The following CLSTN1 variants were observed in gnomAD, a reference collection of about 807,000 sequenced individuals.
The protein encoded by CLSTN1 is calsyntenin-1.
CLSTN1 carries 28 observed loss-of-function variants against 108.3 expected under a neutral mutation model. The ratio of observed to expected loss-of-function variants is 0.26; its 90% CI spans 0.19 to 0.35. The LOEUF (loss-of-function observed/expected upper bound fraction) is 0.35, where lower values mean the gene tolerates loss of function less well. CLSTN1 is among the 10% of genes least tolerant of loss of function. CLSTN1 has a pLI of 1.00. For missense variants in CLSTN1, 1,157 were observed against 1,302.6 expected (o/e 0.89, Z 1.72); for synonymous variants, 524 against 534.9 (o/e 0.98, Z 0.28).
chr1:9,731,411 G>A (rs756562380), intron 17 of CLSTN1, 21 bp from the exon 18 acceptor site: 45 of 1,610,988 alleles, frequency 2.8e-5, no homozygotes, highest in East Asian at 4.5e-5. Flanking sequence ...ATGAGGGGGC[G>A]GGATGCGAGG....
chr1:9,765,539 G>A (rs569742360), intron 2 of CLSTN1, among the ~76,000 whole-genome samples: 11 of 150,426 alleles, frequency 7.3e-5, no homozygotes, highest in African/African-American at 2.2e-4. Context: ...AAAATTAGCC[G>A]AAATCACTTG....
intron 9 of CLSTN1, 74 bp downstream of exon 9, chr1:9,743,810 A>G: frequency 6.4e-7 from 1 of 1,553,076 alleles, no homozygotes; most frequent in Middle Eastern, 1.8e-4. Flanking sequence ...CTCGTGCCCC[A>G]GCCTCCCAAA....
Position 9,730,302 on chromosome 1 carries a change from C to T in CLSTN1, c.*206G>A, listed in dbSNP as rs982841968. The stretch of plus-strand genomic sequence containing the variant: ...GGCGGCCAGAGAGGACGTGTCAGCT[C>T]CTCGTGGGACTGAAGAGCGCGACCA... On this transcript the variant is annotated 3_prime_UTR_variant, in exon 19 of 19. Coordinates refer to ENST00000377298, the MANE Select transcript of CLSTN1 (RefSeq NM_001009566.3). This position sits in a 1 kb window ranked among gnomAD's most constrained non-coding sequence, Gnocchi z 5.6. The T allele has an allele frequency of 3.8e-5, 23 of 613,074 alleles. No homozygotes were observed. Among genetic ancestry groups the T allele is most frequent in the Non-Finnish European group, 6.1e-5 (21 of 343,508 alleles). The allele number at this position is 613,074 out of a possible 1,614,324, so 38.0% of individuals were successfully genotyped here.
chr1:9,801,144 G>C (rs530716959), intron 1 of CLSTN1, among the ~76,000 whole-genome samples: 1 of 152,138 alleles, frequency 6.6e-6, no homozygotes, highest in South Asian at 2.1e-4. Flanking sequence ...TACTTGGGAG[G>C]CTGAGGCAGG....
chr1:9,794,345 G>A (rs964454232), intron 1 of CLSTN1, among the ~76,000 whole-genome samples: 1 of 151,430 alleles, frequency 6.6e-6, no homozygotes, highest in Non-Finnish European at 1.5e-5. Flanking sequence ...GTCTCCCTCT[G>A]TCGTCCAGGC....
chr1:9,780,570 G>A (rs1653193932), intron 1 of CLSTN1, among the ~76,000 whole-genome samples: 1 of 152,212 alleles, frequency 6.6e-6, no homozygotes, highest in South Asian at 2.1e-4. Flanking sequence ...GCAGTAGAAT[G>A]AGATCTGGCC....
At position 9,731,509 on chromosome 1, in the gene CLSTN1, A is replaced by G. The variant is rs1408282157; in HGVS notation, c.2564-119T>C. The stretch of plus-strand genomic sequence containing the variant: ...TGGACAGCACGCTTCAGCTGAACCC[A>G]CAGGCCAGGAGGAAATACCAGGAAA... On this transcript the variant is annotated intron_variant, in intron 17 of 18. Transcript: ENST00000377298. 12 of 1,148,514 alleles carry G rather than the reference A, an allele frequency of 1.0e-5. No individual in the cohort carries two copies. In the South Asian group the frequency reaches 1.3e-4, roughly 12 times the overall value. The allele number at this position is 1,148,514 out of a possible 1,614,324, so 71.1% of individuals were successfully genotyped here. A position where few individuals can be genotyped will look rare whatever the true frequency, so the allele number is the denominator to read the frequency against.
intron 1 of CLSTN1, among the ~76,000 whole-genome samples, chr1:9,788,737 G>A (rs544234290): frequency 4.0e-5 from 6 of 149,788 alleles, no homozygotes; most frequent in African/African-American, 9.8e-5. Context: ...GCGTGGTGGC[G>A]GGTGCCTGCA....
intron 1 of CLSTN1, among the ~76,000 whole-genome samples, chr1:9,818,777 CTTTTTTTTTT>C (rs1156483241): frequency 1.6e-4 from 16 of 98,076 alleles, no homozygotes; most frequent in African/African-American, 6.8e-4. Context: ...TCAAGCAACT[CTTTTTTTTTT>C]TTTTTTTTTT....
At chr1:9,742,706 C>T (rs1201105631) in intron 9 of CLSTN1, among the ~76,000 whole-genome samples, 1 of 152,108 alleles carries the variant, frequency 6.6e-6, no homozygotes, top group East Asian at 1.9e-4. Context: ...GAGATGAATG[C>T]TACCCAGCCT....
Position 9,790,359 on chromosome 1 carries a change from T to C in CLSTN1, c.92-16965A>G, listed in dbSNP as rs894064157. Among the ~76,000 whole-genome samples the C allele has an allele frequency of 1.7e-4, 26 of 151,494 alleles. 1 individual carries two copies. The highest frequency in any genetic ancestry group is 2.7e-4 in the African/African-American group (11 of 41,422). On this transcript the variant is annotated intron_variant, in intron 1 of 18. Transcript: ENST00000377298. ...TTTCATCATGAATGAATGAATAGCA[T>C]CTTCTGAAATGCTATTTCGGCATTA...
At chr1:9,798,358 A>G (rs1424177417) in intron 1 of CLSTN1, among the ~76,000 whole-genome samples, 1 of 152,226 alleles carries the variant, frequency 6.6e-6, no homozygotes. Flanking sequence ...AGATGAACGG[A>G]CAGACGAAAT....
At chr1:9,771,891 TTTCC>T (rs1247148393) in intron 2 of CLSTN1, among the ~76,000 whole-genome samples, 2 of 152,200 alleles carry the variant, frequency 1.3e-5, no homozygotes, top group African/African-American at 4.8e-5. Context: ...CTCATGTTTA[TTTCC>T]TTCAACTTAC....
Position 9,735,976 on chromosome 1 carries a change from T to G in CLSTN1, c.1643A>C (p.Lys548Thr). The change falls in exon 12 of 19, where the codon AAA becomes ACA. Residue 548 changes from lysine to threonine, a missense_variant. Transcript: ENST00000377298. ...GTCGATCACCTTCTTATCCGCGAGT[T>G]TCCCGGAACGGAGAGTTAAGCCAGC... ...NLAGLTLRSG[K>T]LADKKVIDCL... 1.2e-6 allele frequency: 2 copies of G among 1,614,184 alleles called. No individual in the cohort carries two copies. Among genetic ancestry groups the G allele is most frequent in the Non-Finnish European group, 1.7e-6 (2 of 1,180,034 alleles).
chr1:9,803,114 C>T (rs997970596), intron 1 of CLSTN1, among the ~76,000 whole-genome samples: 4 of 152,048 alleles, frequency 2.6e-5, no homozygotes, highest in Admixed American at 1.3e-4. Flanking sequence ...TAAGCCACCA[C>T]GCCCAGCTAA....
chr1:9,787,059 G>A (rs1332186348), intron 1 of CLSTN1, among the ~76,000 whole-genome samples: 1 of 151,278 alleles, frequency 6.6e-6, no homozygotes, highest in Non-Finnish European at 1.5e-5. Context: ...GGTGAGAAGA[G>A]AAGGGGAAGG....
intron 1 of CLSTN1, among the ~76,000 whole-genome samples, chr1:9,821,345 C>G (rs1655182901): frequency 6.6e-6 from 1 of 152,234 alleles, no homozygotes; most frequent in Non-Finnish European, 1.5e-5. Context: ...GTTGGCCAGG[C>G]TGGTCTCGAA....
chr1:9,792,189 GAAAAACAAC>G (rs2101230105), intron 1 of CLSTN1, among the ~76,000 whole-genome samples: 1 of 150,682 alleles, frequency 6.6e-6, no homozygotes, highest in African/African-American at 2.4e-5. Flanking sequence ...ACTTCAAGGG[GAAAAACAAC>G]AACAACAACA....
At chr1:9,746,663 AAG>A (rs1475284508) in intron 7 of CLSTN1, among the ~76,000 whole-genome samples, 1 of 152,004 alleles carries the variant, frequency 6.6e-6, no homozygotes, top group African/African-American at 2.4e-5. Flanking sequence ...GCAGTGAGCC[AAG>A]ATAGCACGAT....
Sources: gnomAD v4.1 joint callset for allele counts (sites outside exome capture counted in the v4.1 genomes callset) on GRCh38, gnomAD v4.1.1 for gene constraint, Gnocchi (gnomAD v3.1) non-coding constraint, MANE v1.5 for transcripts, NCBI Gene and HGNC (gene_info 2026-07-23, HGNC 2026-07-21) for gene names.